CAPG: variants seen among roughly 807,000 people sequenced by gnomAD.
The protein encoded by CAPG is capping actin protein, gelsolin like.
CAPG carries 32 observed loss-of-function variants against 44.6 expected under a neutral mutation model. The ratio of observed to expected loss-of-function variants is 0.72; its 90% CI spans 0.54 to 0.96. The LOEUF (loss-of-function observed/expected upper bound fraction) is 0.96, where lower values mean the gene tolerates loss of function less well. Ranked by LOEUF, CAPG falls within the 50% of genes least tolerant of loss-of-function variation. The pLI is 0.00. For synonymous variants in CAPG, 175 were observed against 179.6 expected, an observed-to-expected ratio of 0.97 and a Z score of 0.20; for missense variants, 412 against 438.3, an observed-to-expected ratio of 0.94 and a Z score of 0.54.
rs1022682871 is a variant in CAPG, at chr2:85,395,359, T to A, written c.981+179A>T. On this transcript the variant is annotated intron_variant, in intron 9 of 9. Coordinates refer to ENST00000263867, the MANE Select transcript of CAPG (RefSeq NM_001747.4). This position sits in a 1 kb window ranked among gnomAD's most constrained non-coding sequence, Gnocchi z 4.3. Reference sequence around the variant, plus strand: ...TGCCCAACATCCTCTTTGAAAATAATAAGTATTTTGACATTTTGAAGGATT... The same window carrying A: ...TGCCCAACATCCTCTTTGAAAATAAAAAGTATTTTGACATTTTGAAGGATT... 108 of 615,338 alleles carry A rather than the reference T, an allele frequency of 1.8e-4. No individual in the cohort carries two copies. Among genetic ancestry groups the A allele is most frequent in the Non-Finnish European group, 2.8e-4 (95 of 342,710 alleles). The allele number at this position is 615,338 out of a possible 1,614,324, so 38.1% of individuals were successfully genotyped here.
In CAPG at chr2:85,395,768, A is replaced by AG. The variant is rs1391431864; in HGVS notation, c.893-143dup. ...TGGACCAGGGGTCCCAAGAATGCCG[A>AG]GGGGCTCTTTGGAGATGTGGAGTCA... On this transcript the variant is annotated intron_variant, in intron 8 of 9. Transcript: ENST00000263867. This position sits in a 1 kb window ranked among gnomAD's most constrained non-coding sequence, Gnocchi z 4.3. 6 of 630,962 alleles carry AG rather than the reference A, an allele frequency of 9.5e-6. No individual in the cohort carries two copies. The highest frequency in any genetic ancestry group is 1.7e-5 in the Non-Finnish European group (6 of 353,948). The allele number at this position is 630,962 out of a possible 1,614,324, so 39.1% of individuals were successfully genotyped here. A position where few individuals can be genotyped will look rare whatever the true frequency, so the allele number is the denominator to read the frequency against.
chr2:85,415,124 C>T (rs996587145), upstream of CAPG, among the ~76,000 whole-genome samples: 1 of 152,220 alleles, frequency 6.6e-6, no homozygotes, highest in African/African-American at 2.4e-5. Context: ...AAACCACCTC[C>T]CGCTGCCTAC....
intron 4 of CAPG, 82 bp downstream of exon 4, chr2:85,401,447 T>A: frequency 6.3e-7 from 1 of 1,586,046 alleles, no homozygotes; most frequent in Non-Finnish European, 8.6e-7. Context: ...ACCCGGGTCT[T>A]CTGCAGGGTG....
chr2:85,394,041 C>CT (rs1686480749), downstream of CAPG, among the ~76,000 whole-genome samples: 1 of 152,230 alleles, frequency 6.6e-6, no homozygotes, highest in South Asian at 2.1e-4. Flanking sequence ...CTCACGGCCT[C>CT]TGGTCCAAGC....
At position 85,395,618 on chromosome 2, in the gene CAPG, CT is replaced by C. The variant is rs777408720; in HGVS notation, c.900del (p.Ala301ArgfsTer84). 2.5e-6 allele frequency: 4 copies of C among 1,613,404 alleles called. No homozygotes were observed. The South Asian group carries it at 4.4e-5, about 18-fold the overall frequency. ...CGKIYIWKGR[K>X]ANEKERQAAL... is the part of the protein sequence containing the mutation. ...GCTGCCTGCCGCTCCTTCTCATTCG[CT>C]TTTCGCCCTAGATCATAGGAAGGAG... On this transcript the variant is annotated frameshift_variant, in exon 9 of 10. Coordinates refer to ENST00000263867, the MANE Select transcript of CAPG (RefSeq NM_001747.4). LOFTEE classifies it high-confidence loss of function. This position sits in a 1 kb window ranked among gnomAD's most constrained non-coding sequence, Gnocchi z 4.3.
In CAPG at chr2:85,401,282, T is replaced by C; in HGVS notation, c.399A>G (p.Pro133=). ...SAFHKTSTGA[P]AAIKKLYQVK... is the part of the protein sequence containing the mutation. ...CCTGGTAGAGTTTCTTGATGGCAGC[T>C]GGGGCTCCTGTGGAGGTCTTGTGAA... The change falls in exon 5 of 10, where the codon CCA becomes CCG. Residue 133 remains proline, a synonymous_variant. Coordinates refer to ENST00000263867, the MANE Select transcript of CAPG (RefSeq NM_001747.4). 2.5e-6 allele frequency: 4 copies of C among 1,614,198 alleles called. No individual in the cohort carries two copies. The highest frequency in any genetic ancestry group is 3.4e-6 in the Non-Finnish European group (4 of 1,180,032).
Position 85,395,772 on chromosome 2 carries a change from G to A in CAPG, c.893-146C>T. Reference sequence around the variant, plus strand: ...CCAGGGGTCCCAAGAATGCCGAGGGGCTCTTTGGAGATGTGGAGTCAGTCC... The same window carrying A: ...CCAGGGGTCCCAAGAATGCCGAGGGACTCTTTGGAGATGTGGAGTCAGTCC... On this transcript the variant is annotated intron_variant, in intron 8 of 9. Coordinates refer to ENST00000263867, the MANE Select transcript of CAPG (RefSeq NM_001747.4). The surrounding 1 kb of genome is among the most constrained non-coding windows in gnomAD (Gnocchi z 4.3). 1.6e-6 allele frequency: 1 copy of A among 623,634 alleles called. No individual in the cohort carries two copies. The highest frequency in any genetic ancestry group is 2.9e-6 in the Non-Finnish European group (1 of 349,036). The allele number at this position is 623,634 out of a possible 1,614,324, so 38.6% of individuals were successfully genotyped here.
chr2:85,394,937 G>A lies in CAPG; in HGVS notation c.1003C>T (p.His335Tyr). 6.2e-7 allele frequency: 1 copy of A among 1,612,744 alleles called. No homozygotes were observed. The highest frequency in any genetic ancestry group is 8.5e-7 in the Non-Finnish European group (1 of 1,178,754). The change falls in exon 10 of 10, where the codon CAT (histidine) becomes TAT (tyrosine). Residue 335 changes from histidine (H) to tyrosine (Y), a missense_variant. Coordinates refer to ENST00000263867, the MANE Select transcript of CAPG (RefSeq NM_001747.4). Reference sequence around the variant, plus strand: ...AATTGCTTGAAGATGGGACTCTCATGGCCCTGAGGCAGAATCTCCACCTGC... The same window carrying A: ...AATTGCTTGAAGATGGGACTCTCATAGCCCTGAGGCAGAATCTCCACCTGC... ...NTQVEILPQG[H>Y]ESPIFKQFFK...
chr2:85,402,972 T>C (rs987487242), intron 1 of CAPG, among the ~76,000 whole-genome samples: 1 of 152,094 alleles, frequency 6.6e-6, no homozygotes, highest in African/African-American at 2.4e-5. Context: ...GGTTTCACCA[T>C]GTTGGCCAGG....
chr2:85,418,107 C>T (rs1687608001), intron 1 of CAPG, among the ~76,000 whole-genome samples: 1 of 152,106 alleles, frequency 6.6e-6, no homozygotes. Context: ...CCTGGGCAGG[C>T]CTGTTCATTA....
rs1270220566 is a variant in CAPG, at chr2:85,401,820, C to T, written c.161G>A (p.Gly54Asp). 1.9e-6 allele frequency: 3 copies of T among 1,614,000 alleles called. No individual in the cohort carries two copies. Residue 54 changes from glycine (G) to aspartate (D), a missense_variant, in exon 3 of 10, where the codon GGC (glycine) becomes GAC (aspartate). By Grantham distance (94) the Gly-to-Asp change is moderately conservative. Coordinates refer to ENST00000263867, the MANE Select transcript of CAPG (RefSeq NM_001747.4). Reference sequence around the variant, plus strand: ...GTGCAGATGGGAAACCTCTTCTGGGCCATTGTGCAGCACTAGGTAGGAGTC... The same window carrying T: ...GTGCAGATGGGAAACCTCTTCTGGGTCATTGTGCAGCACTAGGTAGGAGTC... The part of the protein sequence containing the change: ...SGDSYLVLHN[G>D]PEEVSHLHLW...
intron 5 of CAPG, 48 bp from the exon 6 acceptor site, chr2:85,399,333 T>C (rs748077676): frequency 5.0e-6 from 8 of 1,598,466 alleles, no homozygotes; most frequent in Middle Eastern, 1.6e-4. Flanking sequence ...GCCTGTGTCC[T>C]GCTCCCCAGC....
In CAPG at chr2:85,394,763, G is replaced by C. The variant is rs1686502867; in HGVS notation, c.*130C>G. 2.7e-6 allele frequency: 2 copies of C among 745,332 alleles called. No individual in the cohort carries two copies. The highest frequency in any genetic ancestry group is 1.5e-5 in the South Asian group (1 of 68,736). The allele number at this position is 745,332 out of a possible 1,614,324, so 46.2% of individuals were successfully genotyped here. A position where few individuals can be genotyped will look rare whatever the true frequency, so the allele number is the denominator to read the frequency against. The stretch of plus-strand genomic sequence containing the variant: ...GCCCAGGGCAGGTGGTGCAGGAAAA[G>C]AGCTGGGAAAGCACTTGTCTCCTTT... On this transcript the variant is annotated 3_prime_UTR_variant, in exon 10 of 10. Coordinates refer to ENST00000263867, the MANE Select transcript of CAPG (RefSeq NM_001747.4).
rs756093332 is a variant in CAPG, at chr2:85,398,171, G to A, written c.760-19C>T. 24 of 1,610,572 alleles carry A rather than the reference G, an allele frequency of 1.5e-5. No individual in the cohort carries two copies. Among genetic ancestry groups the A allele is most frequent in the South Asian group, 2.2e-5 (2 of 90,648 alleles). On this transcript the variant is annotated intron_variant, in intron 7 of 9. Coordinates refer to ENST00000263867, the MANE Select transcript of CAPG (RefSeq NM_001747.4). ...CAGAGACCTGGGGAGGAGGGACAGTGCCTGATCTCACCCCCCACACACCAG... is the reference window on the plus strand; with the variant it reads ...CAGAGACCTGGGGAGGAGGGACAGTACCTGATCTCACCCCCCACACACCAG...
intron 1 of CAPG, chr2:85,409,644 G>C (rs1045989510): frequency 1.3e-5 from 2 of 151,926 alleles, no homozygotes; most frequent in Non-Finnish European, 1.5e-5. Flanking sequence ...CTGGGACATG[G>C]CATTCTCAGA....
At chr2:85,397,467 G>C (rs533442733) in intron 8 of CAPG, among the ~76,000 whole-genome samples, 1 of 152,334 alleles carries the variant, frequency 6.6e-6, no homozygotes, top group African/African-American at 2.4e-5. Context: ...CCAGCACTTT[G>C]GGAGGCCGAG....
At chr2:85,419,380 T>C (rs1687663636), upstream of CAPG, 1 of 152,314 alleles carries the variant, frequency 6.6e-6, no homozygotes, top group Admixed American at 6.5e-5. Flanking sequence ...CCCAAGGAGC[T>C]TCTGAGGCGC....
intron 1 of CAPG, among the ~76,000 whole-genome samples, chr2:85,405,767 T>C (rs1687114674): frequency 6.6e-6 from 1 of 152,144 alleles, no homozygotes; most frequent in Non-Finnish European, 1.5e-5. Context: ...GGAGGGAAAC[T>C]TTAACGTTTC....
At chr2:85,393,047 T>C (rs1309241766), downstream of CAPG, among the ~76,000 whole-genome samples, 1 of 152,136 alleles carries the variant, frequency 6.6e-6, no homozygotes, top group Non-Finnish European at 1.5e-5. Flanking sequence ...AATCTTTTTT[T>C]TTTTTTGAAA....
Sources: gnomAD v4.1 joint callset for allele counts (sites outside exome capture counted in the v4.1 genomes callset) on GRCh38, gnomAD v4.1.1 for gene constraint, Gnocchi (gnomAD v3.1) non-coding constraint, MANE v1.5 for transcripts, NCBI Gene and HGNC (gene_info 2026-07-23, HGNC 2026-07-21) for gene names.